JAKMIP2: variants seen among roughly 807,000 people sequenced by gnomAD.
JAKMIP2 encodes janus kinase and microtubule interacting protein 2, also known as janus kinase and microtubule-interacting protein 2.
A neutral mutation model predicts 115.0 loss-of-function variants in JAKMIP2; 25 were observed. The ratio of observed to expected loss-of-function variants is 0.22; its 90% CI spans 0.16 to 0.30. The LOEUF is 0.30. JAKMIP2 is among the 10% of genes least tolerant of loss of function. The pLI, the probability that JAKMIP2 is intolerant of heterozygous loss-of-function variation, is 1.00. For synonymous variants in JAKMIP2, 334 were observed against 343.6 expected, an observed-to-expected ratio of 0.97 and a Z score of 0.31; for missense variants, 642 against 957.6, an observed-to-expected ratio of 0.67 and a Z score of 4.35.
At chr5:147,653,864 A>G (rs1758533212) in intron 3 of JAKMIP2, among the ~76,000 whole-genome samples, 1 of 152,142 alleles carries the variant, frequency 6.6e-6, no homozygotes, top group African/African-American at 2.4e-5. Flanking sequence ...TAAGTCTTTA[A>G]TCCATCTTGA....
rs150185939 is a variant in JAKMIP2 at position 147,648,861 on chromosome 5, C to T, written c.838-387G>A. ...CATGGCCACACATTGCTTCCCACAGCTTAGACAGCTGTCCTGGTATTACCA... is the reference window on the plus strand; with the variant it reads ...CATGGCCACACATTGCTTCCCACAGTTTAGACAGCTGTCCTGGTATTACCA... On this transcript the variant is annotated intron_variant, in intron 4 of 21. Transcript: ENST00000616793. Among the ~76,000 whole-genome samples, 291 of 152,254 alleles carry T rather than the reference C, an allele frequency of 1.9e-3. 3 individuals carry two copies. The highest frequency in any genetic ancestry group is 6.8e-3 in the African/African-American group (284 of 41,544).
At position 147,681,167 on chromosome 5, in the gene JAKMIP2, A is replaced by G. The variant is rs191416545; in HGVS notation, c.-148-9213T>C. 2.4e-3 allele frequency among the ~76,000 whole-genome samples: 372 copies of G among 152,310 alleles called. 2 individuals are homozygous for G. Among genetic ancestry groups the G allele is most frequent in the Admixed American group, 6.6e-3 (101 of 15,302 alleles). On this transcript the variant is annotated intron_variant, in intron 1 of 21. Transcript: ENST00000616793. ...TTGGATCTCAGGTTTAAAACTTCAC[A>G]TTTGAAATATGCTTCATAAAGTATG...
At position 147,661,080 on chromosome 5, in the gene JAKMIP2, C is replaced by G; in HGVS notation, c.495G>C (p.Gln165His). 3 of 1,614,078 alleles carry G rather than the reference C, an allele frequency of 1.9e-6. No individual in the cohort carries two copies. The highest frequency in any genetic ancestry group is 2.5e-6 in the Non-Finnish European group (3 of 1,180,032). The change falls in exon 3 of 22, where the codon CAG (glutamine) becomes CAC (histidine). Residue 165 changes from glutamine (Q) to histidine (H), a missense_variant. Transcript: ENST00000616793. ...TCATATTGCTCAGAGCCTCGTCCAC[C>G]TGCTTCTTGGCCGTTTTCAGGTCCG... ...EIADLKTAKK[Q>H]VDEALSNMIQ... is the part of the protein sequence containing the mutation.
At chr5:147,765,310 T>G (rs1377904212) in intron 1 of JAKMIP2, among the ~76,000 whole-genome samples, 1 of 152,100 alleles carries the variant, frequency 6.6e-6, no homozygotes, top group Non-Finnish European at 1.5e-5. Flanking sequence ...GATTAGTAGA[T>G]AGGACATGAA....
chr5:147,654,424 C>A (rs1276068178), intron 3 of JAKMIP2, among the ~76,000 whole-genome samples: 3 of 151,898 alleles, frequency 2.0e-5, no homozygotes, highest in Non-Finnish European at 4.4e-5. Context: ...GAAGAGGTCC[C>A]TAATGTCCCT....
intron 7 of JAKMIP2, among the ~76,000 whole-genome samples, chr5:147,642,263 T>C (rs957127251): frequency 1.3e-5 from 2 of 152,138 alleles, no homozygotes; most frequent in African/African-American, 4.8e-5. Flanking sequence ...GGGAACAGAG[T>C]AGCTAGCGGG....
Position 147,773,019 on chromosome 5 carries a change from T to G in JAKMIP2, c.-149+9437A>C, listed in dbSNP as rs1289321057. ...TTGTTCTGTTTTGTTCCTTTCATAC[T>G]TGCTATATTCAGAGCATATCAGATA... On this transcript the variant is annotated intron_variant, in intron 1 of 21. Coordinates refer to ENST00000616793, the MANE Select transcript of JAKMIP2 (RefSeq NM_001270941.2). 2.6e-5 allele frequency among the ~76,000 whole-genome samples: 4 copies of G among 152,226 alleles called. No homozygotes were observed. The South Asian group carries it at 8.3e-4, about 32-fold the overall frequency.
intron 1 of JAKMIP2, among the ~76,000 whole-genome samples, chr5:147,708,569 G>C (rs1752665813): frequency 6.6e-6 from 1 of 152,088 alleles, no homozygotes; most frequent in Non-Finnish European, 1.5e-5. Flanking sequence ...CTGTAACCTT[G>C]TTATTTTTCA....
chr5:147,621,820 C>T (rs925639067), intron 17 of JAKMIP2, among the ~76,000 whole-genome samples: 1 of 152,096 alleles, frequency 6.6e-6, no homozygotes, highest in Non-Finnish European at 1.5e-5. Flanking sequence ...TAGGAATCCA[C>T]GACGTTTTCT....
At chr5:147,695,490 C>A (rs760715271) in intron 1 of JAKMIP2, among the ~76,000 whole-genome samples, 1 of 152,164 alleles carries the variant, frequency 6.6e-6, no homozygotes, top group Non-Finnish European at 1.5e-5. Context: ...AGGATTCCTC[C>A]TTAGGGCATT....
intron 1 of JAKMIP2, among the ~76,000 whole-genome samples, chr5:147,672,187 C>A (rs1759641224): frequency 6.6e-6 from 1 of 152,108 alleles, no homozygotes; most frequent in African/African-American, 2.4e-5. Flanking sequence ...ATCCTTCATC[C>A]TTCACTCTTT....
chr5:147,618,662 C>T (rs757418756), intron 18 of JAKMIP2, among the ~76,000 whole-genome samples: 6 of 152,058 alleles, frequency 3.9e-5, no homozygotes, highest in Non-Finnish European at 8.8e-5. Flanking sequence ...CACTGGAACC[C>T]GAGAGGCGGA....
chr5:147,734,746 T>C (rs760605800), intron 1 of JAKMIP2, among the ~76,000 whole-genome samples: 48 of 152,146 alleles, frequency 3.2e-4, no homozygotes, highest in Admixed American at 2.4e-3. Context: ...CACTTTTGCA[T>C]GTAAGGTTAT....
At chr5:147,744,428 CAAG>C (rs1754275646) in intron 1 of JAKMIP2, among the ~76,000 whole-genome samples, 1 of 152,050 alleles carries the variant, frequency 6.6e-6, no homozygotes, top group African/African-American at 2.4e-5. Flanking sequence ...TCTCCAAGGC[CAAG>C]TAAGGCTTAG....
chr5:147,761,553 A>G lies in JAKMIP2; in HGVS notation c.-149+20903T>C, dbSNP rs948034707. On this transcript the variant is annotated intron_variant, in intron 1 of 21. Transcript: ENST00000616793. ...ATTTATTATCTAACTTTATCTTACA[A>G]CAAACTTACAAGAAAATATAATTAT... Among the ~76,000 whole-genome samples the G allele has an allele frequency of 3.3e-5, 5 of 152,206 alleles. No individual in the cohort carries two copies. In the East Asian group the frequency reaches 7.7e-4, roughly 24 times the overall value.
rs1232261669 is a variant in JAKMIP2 at position 147,720,536 on chromosome 5, C to A, written c.-148-48582G>T. Among the ~76,000 whole-genome samples, 7 of 148,050 alleles carry A rather than the reference C, an allele frequency of 4.7e-5. No individual in the cohort carries two copies. In the South Asian group the frequency reaches 1.5e-3, roughly 32 times the overall value. On this transcript the variant is annotated intron_variant, in intron 1 of 21. Transcript: ENST00000616793. ...CACATAGTCCCATATTTCTTGGAGG[C>A]TTTGCTCATTTCTTTTTATTCTTTT... is the stretch of plus-strand genomic sequence containing the variant.
intron 13 of JAKMIP2, 81 bp downstream of exon 13, chr5:147,632,599 T>C: frequency 1.1e-6 from 1 of 893,034 alleles, no homozygotes; most frequent in South Asian, 1.6e-5. Context: ...AAATGCTTAA[T>C]ACAGCGCCTA....
intron 1 of JAKMIP2, among the ~76,000 whole-genome samples, chr5:147,743,451 CA>C (rs1304941135): frequency 6.6e-6 from 1 of 152,206 alleles, no homozygotes; most frequent in African/African-American, 2.4e-5. Flanking sequence ...ACTTTGATCT[CA>C]AAGGAAACTT....
intron 1 of JAKMIP2, among the ~76,000 whole-genome samples, chr5:147,744,048 TTCC>T (rs2127002755): frequency 6.7e-6 from 1 of 148,510 alleles, no homozygotes; most frequent in African/African-American, 2.5e-5. Context: ...CCTTCCTTCC[TTCC>T]TTCCTTCCTC....
Sources: allele counts gnomAD v4.1 joint callset (sites outside exome capture counted in the v4.1 genomes callset), GRCh38; gene constraint gnomAD v4.1.1; transcripts MANE v1.5; gene names NCBI Gene and HGNC (gene_info 2026-07-23, HGNC 2026-07-21).